SPOCK3: variants seen among roughly 807,000 people sequenced by gnomAD.
SPOCK3 encodes testican-3.
A neutral mutation model predicts 56.6 loss-of-function variants in SPOCK3; 30 were observed. The observed-to-expected ratio is 0.53, with a 90% CI of 0.40 to 0.72. The LOEUF (loss-of-function observed/expected upper bound fraction) is 0.72. Among genes scored for constraint, SPOCK3 ranks in the 30% least tolerant of loss-of-function variants. The pLI, the probability that SPOCK3 is intolerant of heterozygous loss-of-function variation, is 0.00. For missense variants in SPOCK3, 527 were observed against 530.0 expected, an observed-to-expected ratio of 0.99 and a Z score of 0.06; for synonymous variants, 196 against 183.3, an observed-to-expected ratio of 1.07 and a Z score of -0.56.
intron 3 of SPOCK3, among the ~76,000 whole-genome samples, chr4:167,058,043 C>T (rs924146990): frequency 6.6e-6 from 1 of 152,148 alleles, no homozygotes; most frequent in Admixed American, 6.6e-5. Flanking sequence ...TGAAGTAAAG[C>T]TCTCCTCAGC....
rs1372950539 is a variant in SPOCK3, at chr4:166,753,455, A to G, written c.931+1053T>C. Among the ~76,000 whole-genome samples, 6 of 151,952 alleles carry G rather than the reference A, an allele frequency of 3.9e-5. No homozygotes were observed. In the East Asian group the frequency reaches 1.2e-3, roughly 29 times the overall value. On this transcript the variant is annotated intron_variant, in intron 8 of 10. Transcript: ENST00000357545. ...AATGTATTTTTTAAACTTTGTTTAG[A>G]GTGGTTTATTAATAGTTAAGTTACT...
At chr4:167,035,177 G>A (rs930696115) in intron 3 of SPOCK3, among the ~76,000 whole-genome samples, 1 of 152,046 alleles carries the variant, frequency 6.6e-6, no homozygotes. Context: ...TGGGGATAAA[G>A]GTCAAAGGAC....
At chr4:166,833,086 A>G (rs1023247631) in intron 6 of SPOCK3, among the ~76,000 whole-genome samples, 1 of 152,210 alleles carries the variant, frequency 6.6e-6, no homozygotes, top group Non-Finnish European at 1.5e-5. Context: ...AAAAGCAAAC[A>G]AATATTATAT....
rs142609864 is a variant in SPOCK3, at chr4:167,093,883, C to T, written c.190-31346G>A. ...GGAAACTCAATATGCAATCTTTGGTCTATGTCAAATGATGACTCTTCTATT... is the reference window on the plus strand; with the variant it reads ...GGAAACTCAATATGCAATCTTTGGTTTATGTCAAATGATGACTCTTCTATT... On this transcript the variant is annotated intron_variant, in intron 2 of 10. Coordinates refer to ENST00000357545, the MANE Select transcript of SPOCK3 (RefSeq NM_001040159.2). Among the ~76,000 whole-genome samples the T allele has an allele frequency of 1.6e-4, 25 of 152,198 alleles. No homozygotes were observed. In the East Asian group the frequency reaches 4.4e-3, roughly 27 times the overall value.
chr4:167,221,644 C>T (rs984904315), intron 2 of SPOCK3, among the ~76,000 whole-genome samples: 1 of 152,128 alleles, frequency 6.6e-6, no homozygotes, highest in Non-Finnish European at 1.5e-5. Flanking sequence ...GGGTAAAGGA[C>T]TTGAGCAGAC....
chr4:166,864,078 C>G (rs371332547), intron 6 of SPOCK3, among the ~76,000 whole-genome samples: 1 of 149,742 alleles, frequency 6.7e-6, no homozygotes, highest in South Asian at 2.1e-4. Flanking sequence ...AAATTGTAAC[C>G]GTCTCTCAGA....
intron 6 of SPOCK3, among the ~76,000 whole-genome samples, chr4:166,806,048 A>T (rs1271506485): frequency 6.6e-6 from 1 of 152,078 alleles, no homozygotes; most frequent in Non-Finnish European, 1.5e-5. Context: ...TAGAAAAGTA[A>T]TGTTATTTAA....
intron 4 of SPOCK3, among the ~76,000 whole-genome samples, chr4:166,965,859 A>G (rs531314409): frequency 2.6e-5 from 4 of 152,192 alleles, no homozygotes; most frequent in African/African-American, 4.8e-5. Context: ...ATAATCACAC[A>G]AAATCTATTG....
At chr4:166,795,459 A>G (rs1477184341) in intron 6 of SPOCK3, among the ~76,000 whole-genome samples, 1 of 152,162 alleles carries the variant, frequency 6.6e-6, no homozygotes, top group Non-Finnish European at 1.5e-5. Context: ...TAAAAATAAT[A>G]CTTTACGTAT....
intron 2 of SPOCK3, among the ~76,000 whole-genome samples, chr4:167,170,046 A>T (rs1288040949): frequency 2.0e-5 from 3 of 152,148 alleles, no homozygotes; most frequent in Non-Finnish European, 4.4e-5. Flanking sequence ...TATACATTAC[A>T]CAGTCTCAAG....
chr4:167,062,746 CAAGT>C, intron 2 of SPOCK3: 2 of 516,828 alleles, frequency 3.9e-6, no homozygotes, highest in Non-Finnish European at 6.9e-6. Context: ...ACACTGTTTT[CAAGT>C]TACAGAAATG....
At position 167,021,716 on chromosome 4, in the gene SPOCK3, C is replaced by CA. The variant is rs201510928; in HGVS notation, c.236-21254dup. 3.1e-3 allele frequency among the ~76,000 whole-genome samples: 471 copies of CA among 151,572 alleles called. 4 individuals are homozygous for CA. In the East Asian group the frequency reaches 0.031, roughly 10 times the overall value. On this transcript the variant is annotated intron_variant, in intron 3 of 10. Coordinates refer to ENST00000357545, the MANE Select transcript of SPOCK3 (RefSeq NM_001040159.2). ...GGAGCCAGAACGACCCATATCTATA[C>CA]AAAAAAAAGGTCAAACGGCCACCAC... is the stretch of plus-strand genomic sequence containing the variant.
chr4:167,226,296 A>G (rs1736586977), intron 2 of SPOCK3, among the ~76,000 whole-genome samples: 2 of 151,904 alleles, frequency 1.3e-5, no homozygotes, highest in African/African-American at 4.8e-5. Context: ...TTACTACCAA[A>G]CTCCTACATC....
chr4:166,885,359 T>C (rs191941289), intron 6 of SPOCK3, among the ~76,000 whole-genome samples: 198 of 152,112 alleles, frequency 1.3e-3, no homozygotes, highest in African/African-American at 4.7e-3. Context: ...TAGAAACTGT[T>C]AACTCTTTTC....
At chr4:167,016,831 C>T (rs539082712) in intron 3 of SPOCK3, among the ~76,000 whole-genome samples, 16 of 152,074 alleles carry the variant, frequency 1.1e-4, no homozygotes, top group South Asian at 2.1e-4. Flanking sequence ...GTGTGAGCCA[C>T]GGCTGAACTT....
rs1363143313 is a variant in SPOCK3, at chr4:166,927,870, A to G, written c.351-15127T>C. On this transcript the variant is annotated intron_variant, in intron 4 of 10. Coordinates refer to ENST00000357545, the MANE Select transcript of SPOCK3 (RefSeq NM_001040159.2). ...GTTATTCAAAATATGAAAATAATAT[A>G]AAAAACTCAACAATAAGAAAAAAAA... is the stretch of plus-strand genomic sequence containing the variant. Among the ~76,000 whole-genome samples the G allele has an allele frequency of 3.3e-5, 5 of 152,300 alleles. No individual in the cohort carries two copies. In the East Asian group the frequency reaches 9.6e-4, roughly 29 times the overall value.
intron 3 of SPOCK3, among the ~76,000 whole-genome samples, chr4:167,024,644 A>C (rs1048478500): frequency 7.9e-5 from 12 of 152,014 alleles, no homozygotes; most frequent in African/African-American, 2.2e-4. Flanking sequence ...CAAATAAGAC[A>C]TTATGCAGTC....
chr4:166,878,350 T>C (rs1047466034), intron 6 of SPOCK3, among the ~76,000 whole-genome samples: 1 of 152,138 alleles, frequency 6.6e-6, no homozygotes. Flanking sequence ...TGTTTACTTG[T>C]TGGCATCTCA....
chr4:167,159,353 T>C (rs1293065786), intron 2 of SPOCK3, among the ~76,000 whole-genome samples: 2 of 151,916 alleles, frequency 1.3e-5, no homozygotes, highest in Non-Finnish European at 2.9e-5. Flanking sequence ...CAGAAGTTTC[T>C]CTCTTACTTT....
Sources: allele counts gnomAD v4.1 joint callset (sites outside exome capture counted in the v4.1 genomes callset), GRCh38; gene constraint gnomAD v4.1.1; transcripts MANE v1.5; gene names NCBI Gene and HGNC (gene_info 2026-07-23, HGNC 2026-07-21).